ATXN2: variants seen among roughly 807,000 people sequenced by gnomAD.
ATXN2 encodes the protein ataxin-2.
A neutral mutation model predicts 138.6 loss-of-function variants in ATXN2; 37 were observed. The ratio of observed to expected loss-of-function variants is 0.27; its 90% CI spans 0.21 to 0.35. The LOEUF (loss-of-function observed/expected upper bound fraction) is 0.35. ATXN2 is among the 10% of genes least tolerant of loss of function. ATXN2 has a pLI of 1.00. For synonymous variants in ATXN2, 549 were observed against 543.7 expected (o/e 1.01, Z -0.13); for missense variants, 1,216 against 1,480.3 (o/e 0.82, Z 2.93).
chr12:111,551,241 G>A (rs1225030864), intron 5 of ATXN2, among the ~76,000 whole-genome samples: 2 of 150,688 alleles, frequency 1.3e-5, no homozygotes. Flanking sequence ...AGGCTGCAGT[G>A]AGCCGAGATC....
At chr12:111,479,561 A>G (rs1877069185) in intron 18 of ATXN2, among the ~76,000 whole-genome samples, 1 of 152,144 alleles carries the variant, frequency 6.6e-6, no homozygotes, top group Non-Finnish European at 1.5e-5. Context: ...ACAAAAAGGA[A>G]TAAGCTGATA....
chr12:111,525,495 CAA>C (rs1880434183), intron 5 of ATXN2, among the ~76,000 whole-genome samples, 179 bp from the exon 6 acceptor site: 1 of 152,046 alleles, frequency 6.6e-6, no homozygotes, highest in Non-Finnish European at 1.5e-5. Flanking sequence ...TTGATGAAAA[CAA>C]AAGACCAATG....
chr12:111,484,080 A>T (rs542557040), intron 18 of ATXN2, among the ~76,000 whole-genome samples: 57 of 152,208 alleles, frequency 3.7e-4, no homozygotes, highest in African/African-American at 1.4e-3. Context: ...CACCAAGCCT[A>T]GCCGAAACAT....
At chr12:111,591,239 T>C (rs1274844729) in intron 1 of ATXN2, among the ~76,000 whole-genome samples, 3 of 152,138 alleles carry the variant, frequency 2.0e-5, no homozygotes, top group African/African-American at 4.8e-5. Flanking sequence ...GGAAAAACCA[T>C]CTTCCACAAA....
intron 14 of ATXN2, among the ~76,000 whole-genome samples, chr12:111,490,368 G>A (rs1365209466): frequency 6.6e-6 from 1 of 152,122 alleles, no homozygotes; most frequent in Non-Finnish European, 1.5e-5. Context: ...TGTGTGAAAT[G>A]AACTGGAGGG....
In ATXN2 at chr12:111,516,415, A is replaced by T. The variant is rs951191357; in HGVS notation, c.1166-52T>A. The T allele has an allele frequency of 1.2e-5, 17 of 1,459,876 alleles. No individual in the cohort carries two copies. Among genetic ancestry groups the T allele is most frequent in the Non-Finnish European group, 1.5e-5 (16 of 1,082,316 alleles). 90.4% of individuals were successfully genotyped at this position (1,459,876 alleles called of 1,614,324 possible). ...AGTATAAAAACTAAAGAAAAAAATG[A>T]GGGAAAAAAGTAAACAGAAAAAAAG... On this transcript the variant is annotated intron_variant, in intron 9 of 24. Coordinates refer to ENST00000673436, the MANE Select transcript of ATXN2 (RefSeq NM_001372574.1). This position sits in a 1 kb window ranked among gnomAD's most constrained non-coding sequence, Gnocchi z 5.0.
intron 1 of ATXN2, among the ~76,000 whole-genome samples, chr12:111,571,774 T>A (rs755387331): frequency 1.3e-5 from 2 of 151,996 alleles, no homozygotes; most frequent in African/African-American, 2.4e-5. Context: ...TCCCAGCACT[T>A]TGGGAGGCAG....
intron 5 of ATXN2, among the ~76,000 whole-genome samples, chr12:111,527,763 G>A (rs1205333306): frequency 1.3e-5 from 2 of 152,176 alleles, no homozygotes; most frequent in African/African-American, 4.8e-5. Flanking sequence ...GAGATTCTAA[G>A]AGACTAATGC....
chr12:111,555,803 T>TAA, intron 2 of ATXN2, 80 bp downstream of exon 2: 1 of 1,184,492 alleles, frequency 8.4e-7, no homozygotes, highest in Non-Finnish European at 1.2e-6. Flanking sequence ...GGGAATCTTT[T>TAA]GCCTTGGCAT....
At chr12:111,507,527 C>CAGCCCCCGCCCGGCCAGCCGCCCCATCT (rs1566031471) in intron 14 of ATXN2, among the ~76,000 whole-genome samples, 1 of 151,284 alleles carries the variant, frequency 6.6e-6, no homozygotes, top group African/African-American at 2.4e-5. Flanking sequence ...CCGCCCCATC[C>CAGCCCCCGCCCGGCCAGCCGCCCCATCT]GGGAGGGAGG....
chr12:111,599,614 G>A (rs1885171862), upstream of ATXN2: 7 of 1,078,888 alleles, frequency 6.5e-6, no homozygotes, highest in Middle Eastern at 4.2e-4. Context: ...AACGTGAGGT[G>A]GCCCCGGGGC....
chr12:111,587,152 C>T (rs982215036), intron 1 of ATXN2, among the ~76,000 whole-genome samples: 4 of 150,798 alleles, frequency 2.7e-5, no homozygotes, highest in Admixed American at 6.6e-5. Context: ...GTCTTCAATT[C>T]CTGATTTCGA....
At position 111,598,985 on chromosome 12, in the gene ATXN2, TGC is replaced by T; in HGVS notation, c.48_49del (p.Gln17AlafsTer72). ...CTGCTGCTGCTGCTGCTGTTGCTGC[TGC>T]TGCTGCTGCTGCTGCTGCTGCTGCT... On this transcript the variant is annotated frameshift_variant, in exon 1 of 25. Coordinates refer to ENST00000673436, the MANE Select transcript of ATXN2 (RefSeq NM_001372574.1). LOFTEE classifies it high-confidence loss of function. The surrounding 1 kb of genome is among the most constrained non-coding windows in gnomAD (Gnocchi z 4.5). 1 of 1,464,130 alleles carries T rather than the reference TGC, an allele frequency of 6.8e-7. No individual in the cohort carries two copies. The highest frequency in any genetic ancestry group is 2.7e-5 in the East Asian group (1 of 36,478). The allele number at this position is 1,464,130 out of a possible 1,614,324, so 90.7% of individuals were successfully genotyped here.
intron 1 of ATXN2, among the ~76,000 whole-genome samples, chr12:111,577,202 C>A (rs1442416769): frequency 6.6e-6 from 1 of 152,090 alleles, no homozygotes; most frequent in Non-Finnish European, 1.5e-5. Flanking sequence ...GAAGATAATG[C>A]AAATATTTCC....
In ATXN2 at chr12:111,457,107, G is replaced by T. The variant is rs894175338; in HGVS notation, c.3042+107C>A. Reference sequence around the variant, plus strand: ...GCACAGCTGTATCCATCTTCACGAGGGTGGACATGCCATGTGTTCTGACGA... The same window carrying T: ...GCACAGCTGTATCCATCTTCACGAGTGTGGACATGCCATGTGTTCTGACGA... On this transcript the variant is annotated intron_variant, in intron 22 of 24. Transcript: ENST00000673436. 5.2e-6 allele frequency: 7 copies of T among 1,345,804 alleles called. No individual in the cohort carries two copies. The Admixed American group carries it at 9.5e-5, about 18-fold the overall frequency. The allele number at this position is 1,345,804 out of a possible 1,614,324, so 83.4% of individuals were successfully genotyped here.
At chr12:111,470,519 A>T in intron 19 of ATXN2, 39 bp downstream of exon 19, 1 of 1,591,386 alleles carries the variant, frequency 6.3e-7, no homozygotes, top group Non-Finnish European at 8.6e-7. Context: ...GTTTTTTTAT[A>T]TGGTACAAAA....
At chr12:111,474,090 G>A (rs368867361) in intron 18 of ATXN2, among the ~76,000 whole-genome samples, 12 of 152,246 alleles carry the variant, frequency 7.9e-5, no homozygotes, top group East Asian at 5.8e-4. Context: ...GTATGGTGGC[G>A]CGCACCTTTA....
intron 7 of ATXN2, 28 bp from the exon 8 acceptor site, chr12:111,520,104 A>AT (rs1267843637): frequency 6.2e-7 from 1 of 1,606,312 alleles, no homozygotes; most frequent in Non-Finnish European, 8.5e-7. Context: ...GAAAAGCAAA[A>AT]TGAGTCCTTT....
At chr12:111,464,035 G>A (rs1490826156) in intron 21 of ATXN2, among the ~76,000 whole-genome samples, 2 of 151,830 alleles carry the variant, frequency 1.3e-5, no homozygotes, top group African/African-American at 4.8e-5. Flanking sequence ...TGATCCACCC[G>A]CCTCAGCCTC....
Sources: gnomAD v4.1 joint callset for allele counts (sites outside exome capture counted in the v4.1 genomes callset) on GRCh38, gnomAD v4.1.1 for gene constraint, Gnocchi (gnomAD v3.1) non-coding constraint, MANE v1.5 for transcripts, NCBI Gene and HGNC (gene_info 2026-07-23, HGNC 2026-07-21) for gene names.